The following KCTD16 variants were observed in gnomAD, a reference collection of about 807,000 sequenced individuals.
The protein encoded by KCTD16 is BTB/POZ domain-containing protein KCTD16.
In KCTD16, 13 loss-of-function variants were observed where a neutral mutation model predicts 33.2. The ratio of observed to expected loss-of-function variants is 0.39; its 90% confidence interval spans 0.25 to 0.62. The LOEUF is 0.62. Ranked by LOEUF, KCTD16 falls within the 20% of genes least tolerant of loss-of-function variation. The pLI is 0.50. For synonymous variants in KCTD16, 197 were observed against 195.3 expected (o/e 1.01, Z -0.07); for missense variants, 441 against 525.1 (o/e 0.84, Z 1.57).
At chr5:144,394,605 G>T (rs559194159) in intron 3 of KCTD16, among the ~76,000 whole-genome samples, 1 of 152,136 alleles carries the variant, frequency 6.6e-6, no homozygotes, top group South Asian at 2.1e-4. Context: ...CCCACATGTC[G>T]AGAGACGGAC....
intron 3 of KCTD16, among the ~76,000 whole-genome samples, chr5:144,452,714 C>T (rs543381228): frequency 1.3e-5 from 2 of 149,700 alleles, no homozygotes; most frequent in Admixed American, 6.7e-5. Flanking sequence ...CAAATCTGGA[C>T]CAAAATAAAA....
intron 3 of KCTD16, among the ~76,000 whole-genome samples, chr5:144,389,932 C>T (rs1752412048): frequency 6.6e-6 from 1 of 152,192 alleles, no homozygotes; most frequent in African/African-American, 2.4e-5. Context: ...TCTTGATTAT[C>T]ACAGGAGCGA....
Position 144,484,195 on chromosome 5 carries a change from C to T in KCTD16, c.*10081C>T, listed in dbSNP as rs1754758870. 6.6e-6 allele frequency: 1 copy of T among 151,744 alleles called. No homozygotes were observed. The highest frequency in any genetic ancestry group is 2.4e-5 in the African/African-American group (1 of 41,342). The allele number at this position is 151,744 out of a possible 1,614,324, so 9.4% of individuals were successfully genotyped here. A position where few individuals can be genotyped will look rare whatever the true frequency, so the allele number is the denominator to read the frequency against. On this transcript the variant is annotated 3_prime_UTR_variant, in exon 4 of 4. Transcript: ENST00000512467. Reference sequence around the variant, plus strand: ...GGATGTCAAAATCTCTCATTAATTACCCTGTTTTTTTCTTTAAGGAAATTG... The same window carrying T: ...GGATGTCAAAATCTCTCATTAATTATCCTGTTTTTTTCTTTAAGGAAATTG...
intron 3 of KCTD16, among the ~76,000 whole-genome samples, chr5:144,218,102 C>T (rs2126800437): frequency 6.6e-6 from 1 of 152,266 alleles, no homozygotes; most frequent in South Asian, 2.1e-4. Context: ...TCTAGAAATA[C>T]CTATTGAATA....
intron 3 of KCTD16, among the ~76,000 whole-genome samples, chr5:144,417,384 C>T (rs1753083187): frequency 6.6e-6 from 1 of 152,022 alleles, no homozygotes; most frequent in Non-Finnish European, 1.5e-5. Flanking sequence ...AATCAGGCAT[C>T]TTTTTATGTG....
chr5:144,174,732 A>C (rs932663082), intron 2 of KCTD16, among the ~76,000 whole-genome samples: 1 of 152,240 alleles, frequency 6.6e-6, no homozygotes, highest in Non-Finnish European at 1.5e-5. Context: ...TTTAAAAGGC[A>C]AAGAAATTTA....
chr5:144,252,160 A>G (rs1754718031), intron 3 of KCTD16, among the ~76,000 whole-genome samples: 3 of 152,150 alleles, frequency 2.0e-5, no homozygotes, highest in South Asian at 2.1e-4. Context: ...CAAGTATACA[A>G]TATGGTATTA....
At chr5:144,263,662 A>C (rs1580829815) in intron 3 of KCTD16, among the ~76,000 whole-genome samples, 1 of 152,118 alleles carries the variant, frequency 6.6e-6, no homozygotes, top group East Asian at 1.9e-4. Flanking sequence ...GGCAAAACAC[A>C]TGAAGGTCAT....
intron 3 of KCTD16, among the ~76,000 whole-genome samples, chr5:144,365,960 G>A (rs1349936274): frequency 6.6e-6 from 1 of 152,118 alleles, no homozygotes; most frequent in African/African-American, 2.4e-5. Context: ...AAACATTAGT[G>A]CTAGAAAGAT....
intron 3 of KCTD16, among the ~76,000 whole-genome samples, chr5:144,318,392 T>C (rs1421818527): frequency 6.6e-6 from 1 of 152,198 alleles, no homozygotes; most frequent in Non-Finnish European, 1.5e-5. Flanking sequence ...GGAATGTCTG[T>C]GTGACAGCCA....
chr5:144,292,398 T>C (rs1272022652), intron 3 of KCTD16, among the ~76,000 whole-genome samples: 1 of 152,152 alleles, frequency 6.6e-6, no homozygotes, highest in South Asian at 2.1e-4. Flanking sequence ...TAGAGCAATG[T>C]AGGAATTTAT....
At chr5:144,398,770 C>A (rs987200970) in intron 3 of KCTD16, among the ~76,000 whole-genome samples, 2 of 151,972 alleles carry the variant, frequency 1.3e-5, no homozygotes, top group Admixed American at 6.6e-5. Context: ...CTGGTACAGA[C>A]TTTCCTGTTT....
chr5:144,379,720 T>C (rs919102683), intron 3 of KCTD16, among the ~76,000 whole-genome samples: 10 of 152,136 alleles, frequency 6.6e-5, no homozygotes, highest in Non-Finnish European at 1.0e-4. Flanking sequence ...ACACACCAAA[T>C]AAGATCATCC....
At chr5:144,456,730 T>C (rs1754072148) in intron 3 of KCTD16, among the ~76,000 whole-genome samples, 1 of 152,102 alleles carries the variant, frequency 6.6e-6, no homozygotes, top group Non-Finnish European at 1.5e-5. Flanking sequence ...TTTGACACAC[T>C]ATCTTTGAGA....
chr5:144,299,091 A>T (rs1217647610), intron 3 of KCTD16, among the ~76,000 whole-genome samples: 37 of 12,310 alleles, frequency 3.0e-3, no homozygotes, highest in Non-Finnish European at 4.0e-3. Context: ...TATATATATC[A>T]CTATGTATAT....
chr5:144,339,323 A>C (rs566952220), intron 3 of KCTD16, among the ~76,000 whole-genome samples: 45 of 152,148 alleles, frequency 3.0e-4, no homozygotes, highest in African/African-American at 1.0e-3. Context: ...CAAAATCACT[A>C]CTCTCAGCAG....
intron 3 of KCTD16, among the ~76,000 whole-genome samples, chr5:144,244,462 A>C (rs1379707212): frequency 6.6e-6 from 1 of 152,224 alleles, no homozygotes; most frequent in Admixed American, 6.5e-5. Flanking sequence ...GAATAATCAC[A>C]AAACAGATAT....
chr5:144,274,329 C>A (rs1407975466), intron 3 of KCTD16, among the ~76,000 whole-genome samples: 2 of 151,876 alleles, frequency 1.3e-5, no homozygotes, highest in African/African-American at 2.4e-5. Context: ...GGTAGCTTGG[C>A]TAGGTTAAGG....
chr5:144,384,448 C>A (rs1371321366), intron 3 of KCTD16: 1 of 152,128 alleles, frequency 6.6e-6, no homozygotes, highest in Admixed American at 6.5e-5. Flanking sequence ...TATACTAATA[C>A]CTTACAATGA....
Sources: allele counts gnomAD v4.1 joint callset (sites outside exome capture counted in the v4.1 genomes callset), GRCh38; gene constraint gnomAD v4.1.1; transcripts MANE v1.5; gene names NCBI Gene and HGNC (gene_info 2026-07-23, HGNC 2026-07-21).